Variants in TMC6 observed in about 807,000 individuals in gnomAD.
The protein encoded by TMC6 is transmembrane channel-like protein 6.
A neutral mutation model predicts 95.4 loss-of-function variants in TMC6; 71 were observed. The observed-to-expected ratio is 0.74, with a 90% CI of 0.61 to 0.91. The LOEUF (loss-of-function observed/expected upper bound fraction) is 0.91, where lower values mean the gene tolerates loss of function less well. TMC6 is among the 40% of genes least tolerant of loss of function. TMC6 has a pLI of 0.00. For synonymous variants in TMC6, 514 were observed against 483.1 expected (o/e 1.06, Z -0.84); for missense variants, 1,074 against 1,079.1 (o/e 1.00, Z 0.07).
In TMC6 at chr17:78,124,108, G is replaced by C. The variant is rs1467282808; in HGVS notation, c.963C>G (p.Ser321Arg). 1 of 1,613,260 alleles carries C rather than the reference G, an allele frequency of 6.2e-7. No individual in the cohort carries two copies. Among genetic ancestry groups the C allele is most frequent in the East Asian group, 2.2e-5 (1 of 44,888 alleles). The part of the protein sequence containing the change: ...SNATLNQPCG[S>R]PLDGSQCTPR... ...GTGTGCACTGGCTGCCATCCAGGGGGCTGCCACACGGCTGGTTCAGCGTGG... is the reference window on the plus strand; with the variant it reads ...GTGTGCACTGGCTGCCATCCAGGGGCCTGCCACACGGCTGGTTCAGCGTGG... The change falls in exon 9 of 20, where the codon AGC (serine) becomes AGG (arginine). Residue 321 changes from serine (S) to arginine (R), a missense_variant. Physicochemically the swap from Ser to Arg is moderately radical, Grantham distance 110 (BLOSUM62 -1). Coordinates refer to ENST00000590602, the MANE Select transcript of TMC6 (RefSeq NM_001127198.5).
rs1021494632 is a variant in TMC6, at chr17:78,126,274, C to T, written c.271+3G>A. On this transcript the variant is annotated splice_donor_region_variant and intron_variant, in intron 4 of 19. Transcript: ENST00000590602. ...CGAGGCCGAGGCTGAGGGTCCCACT[C>T]ACCAATGGTGCGGCTGGGCATGCTG... 6.4e-7 allele frequency: 1 copy of T among 1,556,008 alleles called. No homozygotes were observed. Among genetic ancestry groups the T allele is most frequent in the Non-Finnish European group, 8.7e-7 (1 of 1,153,100 alleles).
intron 1 of TMC6, among the ~76,000 whole-genome samples, chr17:78,127,703 C>T (rs1269137898): frequency 6.6e-6 from 1 of 152,252 alleles, no homozygotes; most frequent in African/African-American, 2.4e-5. Flanking sequence ...TCCTCCTGCG[C>T]TCACCCTCAG....
intron 18 of TMC6, among the ~76,000 whole-genome samples, chr17:78,115,156 G>A (rs1171371095): frequency 6.6e-6 from 1 of 152,236 alleles, no homozygotes; most frequent in African/African-American, 2.4e-5. Flanking sequence ...CCCAAGCAAT[G>A]TGGGAGCCGT....
intron 18 of TMC6, among the ~76,000 whole-genome samples, chr17:78,116,582 G>C (rs1318293288): frequency 6.6e-6 from 1 of 150,858 alleles, no homozygotes; most frequent in Non-Finnish European, 1.5e-5. Flanking sequence ...GTCAAACATT[G>C]TTTTCTTCAT....
In TMC6 at chr17:78,117,808, A is replaced by G; in HGVS notation, c.2015T>C (p.Val672Ala). The part of the protein sequence containing the change: ...LGAAVFLCYA[V>A]WQVKPSSTCG... The stretch of plus-strand genomic sequence containing the variant: ...CTCCACCCGCCCCACTCACTGCCAG[A>G]CGGCGTAGCAGAGGAAGACAGCGGC... Residue 672 changes from valine to alanine, a missense_variant, in exon 16 of 20, where the codon GTC becomes GCC. Coordinates refer to ENST00000590602, the MANE Select transcript of TMC6 (RefSeq NM_001127198.5). 6.2e-7 allele frequency: 1 copy of G among 1,606,822 alleles called. No homozygotes were observed. The highest frequency in any genetic ancestry group is 1.1e-5 in the South Asian group (1 of 89,924).
Position 78,112,766 on chromosome 17 carries a change from G to C in TMC6, c.*382C>G, listed in dbSNP as rs2073858913. ...AGCAAGCGAATCAAGCCCTGGCGCG[G>C]TCCAGCCCCTGCCATCTGGGGCTTG... On this transcript the variant is annotated 3_prime_UTR_variant, in exon 20 of 20. Transcript: ENST00000590602. 2.9e-6 allele frequency: 1 copy of C among 343,272 alleles called. No homozygotes were observed. The highest frequency in any genetic ancestry group is 3.4e-5 in the South Asian group (1 of 29,452). The allele number at this position is 343,272 out of a possible 1,614,324, so 21.3% of individuals were successfully genotyped here.
chr17:78,130,147 A>T (rs2074922928), upstream of TMC6, among the ~76,000 whole-genome samples: 1 of 152,164 alleles, frequency 6.6e-6, no homozygotes. Flanking sequence ...AGCCTGGGAG[A>T]GCATGAATGG....
In TMC6 at chr17:78,109,651, G is replaced by A. The variant is rs558110243; in HGVS notation, c.*3497C>T. ...CTCAAAAAAGCAGAAGCACATTTCCGAAGCCCCCCAAGCCCACGGGCGTGA... is the reference window on the plus strand; with the variant it reads ...CTCAAAAAAGCAGAAGCACATTTCCAAAGCCCCCCAAGCCCACGGGCGTGA... On this transcript the variant is annotated 3_prime_UTR_variant, in exon 20 of 20. Transcript: ENST00000590602. 203 of 432,756 alleles carry A rather than the reference G, an allele frequency of 4.7e-4. 3 individuals carry two copies. Among genetic ancestry groups the A allele is most frequent in the South Asian group, 2.7e-3 (158 of 59,460 alleles). The allele number at this position is 432,756 out of a possible 1,614,324, so 26.8% of individuals were successfully genotyped here.
chr17:78,129,936 C>A (rs1305196691), upstream of TMC6, among the ~76,000 whole-genome samples: 1 of 152,156 alleles, frequency 6.6e-6, no homozygotes, highest in Non-Finnish European at 1.5e-5. The surrounding 1 kb of genome is among the most constrained non-coding windows in gnomAD (Gnocchi z 4.3). Flanking sequence ...GTGCCCAGCA[C>A]CAGCACATAG....
chr17:78,126,313 G>T lies in TMC6; in HGVS notation c.235C>A (p.Leu79Ile). 1 of 1,570,244 alleles carries T rather than the reference G, an allele frequency of 6.4e-7. No individual in the cohort carries two copies. ...RPEGTQSTAT[L>I]RILASMPSRT... ...CTGGGCATGCTGGCCAGGATGCGGA[G>T]TGTGGCCGTGCTCTGGGTGCCCTCG... Residue 79 changes from leucine to isoleucine, a missense_variant, in exon 4 of 20, where the codon CTC becomes ATC. Transcript: ENST00000590602.
chr17:78,130,379 C>G (rs138323834), upstream of TMC6, among the ~76,000 whole-genome samples: 140 of 152,368 alleles, frequency 9.2e-4, no homozygotes, highest in African/African-American at 3.3e-3. Flanking sequence ...GTTCCCATCC[C>G]CACCCATGTC....
Position 78,121,235 on chromosome 17 carries a change from G to A in TMC6, c.1384-71C>T. 6.5e-7 allele frequency: 1 copy of A among 1,539,896 alleles called. No individual in the cohort carries two copies. The highest frequency in any genetic ancestry group is 8.7e-7 in the Non-Finnish European group (1 of 1,146,234). Reference sequence around the variant, plus strand: ...GTGGGAGCGGGCAGCTACAGGGAAGGGCCCGGGGTGGAACTGGCAGGTAGC... The same window carrying A: ...GTGGGAGCGGGCAGCTACAGGGAAGAGCCCGGGGTGGAACTGGCAGGTAGC... On this transcript the variant is annotated intron_variant, in intron 11 of 19. Coordinates refer to ENST00000590602, the MANE Select transcript of TMC6 (RefSeq NM_001127198.5). The surrounding 1 kb of genome is among the most constrained non-coding windows in gnomAD (Gnocchi z 5.6).
At chr17:78,123,327 G>A (rs757099681) in intron 9 of TMC6, among the ~76,000 whole-genome samples, 2 of 152,250 alleles carry the variant, frequency 1.3e-5, no homozygotes, top group South Asian at 2.1e-4. Flanking sequence ...TGTGGAATAC[G>A]TAGATGCATG....
chr17:78,121,288 C>G lies in TMC6; in HGVS notation c.1384-124G>C, dbSNP rs1332487702. ...CTCCCTCCTCCAAGATCTGGCCCTC[C>G]CCAGGCCTCAAGTTCAAACCACACA... On this transcript the variant is annotated intron_variant, in intron 11 of 19. Coordinates refer to ENST00000590602, the MANE Select transcript of TMC6 (RefSeq NM_001127198.5). This position sits in a 1 kb window ranked among gnomAD's most constrained non-coding sequence, Gnocchi z 5.6. The G allele has an allele frequency of 4.1e-6, 6 of 1,468,904 alleles. No homozygotes were observed. Among genetic ancestry groups the G allele is most frequent in the Non-Finnish European group, 5.5e-6 (6 of 1,089,308 alleles). The allele number at this position is 1,468,904 out of a possible 1,614,324, so 91.0% of individuals were successfully genotyped here. A position where few individuals can be genotyped will look rare whatever the true frequency, so the allele number is the denominator to read the frequency against.
At chr17:78,124,331 C>T (rs772064039) in intron 8 of TMC6, 152 bp from the exon 9 acceptor site, 31 of 1,334,490 alleles carry the variant, frequency 2.3e-5, no homozygotes, top group Middle Eastern at 2.6e-4. Flanking sequence ...CTTGGGCCTC[C>T]AGCCCCATGG....
upstream of TMC6, among the ~76,000 whole-genome samples, chr17:78,130,347 G>A (rs111676788): frequency 5.9e-5 from 9 of 152,288 alleles, no homozygotes; most frequent in African/African-American, 2.2e-4. Context: ...CAGATAAAGA[G>A]TTTGGCCCCT....
intron 18 of TMC6, among the ~76,000 whole-genome samples, chr17:78,116,939 T>C (rs970891194): frequency 3.3e-5 from 5 of 151,900 alleles, no homozygotes; most frequent in African/African-American, 1.2e-4. Flanking sequence ...GTAAAATGAG[T>C]GAAGAGTCCA....
chr17:78,121,764 G>A lies in TMC6; in HGVS notation c.1228-53C>T. On this transcript the variant is annotated intron_variant, in intron 10 of 19. Transcript: ENST00000590602. The surrounding 1 kb of genome is among the most constrained non-coding windows in gnomAD (Gnocchi z 5.6). ...CCACACCAGAGCACGGGCACACGCAGACGTGCAGACACAGCACAACACACA... is the reference window on the plus strand; with the variant it reads ...CCACACCAGAGCACGGGCACACGCAAACGTGCAGACACAGCACAACACACA... The A allele has an allele frequency of 6.5e-7, 1 of 1,528,180 alleles. No homozygotes were observed. The highest frequency in any genetic ancestry group is 8.8e-7 in the Non-Finnish European group (1 of 1,141,012). The allele number at this position is 1,528,180 out of a possible 1,614,324, so 94.7% of individuals were successfully genotyped here.
chr17:78,118,998 C>T lies in TMC6; in HGVS notation c.1860G>A (p.Lys620=). 1 of 1,605,604 alleles carries T rather than the reference C, an allele frequency of 6.2e-7. No homozygotes were observed. The highest frequency in any genetic ancestry group is 8.5e-7 in the Non-Finnish European group (1 of 1,176,392). The change falls in exon 15 of 20, where the codon AAG becomes AAA. Residue 620 remains lysine (K), a synonymous_variant. Transcript: ENST00000590602. ...TCTTGACATAGAAGACGAGCAGCAG[C>T]TTGATGATCTGCACGGCGGGGAGGA... is the stretch of plus-strand genomic sequence containing the variant. ...SPLLPAVQII[K]LLLVFYVKKT... is the part of the protein sequence containing the mutation.
Sources: gnomAD v4.1 joint callset for allele counts (sites outside exome capture counted in the v4.1 genomes callset) on GRCh38, gnomAD v4.1.1 for gene constraint, Gnocchi (gnomAD v3.1) non-coding constraint, MANE v1.5 for transcripts, NCBI Gene and HGNC (gene_info 2026-07-23, HGNC 2026-07-21) for gene names.